Variants in DAB1 observed in about 807,000 individuals in gnomAD.
The protein encoded by DAB1 is disabled homolog 1.
A neutral mutation model predicts 64.6 loss-of-function variants in DAB1; 15 were observed. The ratio of observed to expected loss-of-function variants is 0.23; its 90% CI spans 0.16 to 0.36. The LOEUF is 0.36. Ranked by LOEUF, DAB1 falls within the 10% of genes least tolerant of loss-of-function variation. The pLI, the probability that DAB1 is intolerant of heterozygous loss-of-function variation, is 1.00. For missense variants in DAB1, 596 were observed against 706.7 expected (o/e 0.84, Z 1.78); for synonymous variants, 235 against 251.9 (o/e 0.93, Z 0.64).
chr1:57,039,845 G>A (rs1389510553), intron 9 of DAB1, among the ~76,000 whole-genome samples: 2 of 152,174 alleles, frequency 1.3e-5, no homozygotes, highest in African/African-American at 2.4e-5. Context: ...CAGTGATAAA[G>A]GAAAGGAGAT....
intron 4 of DAB1, among the ~76,000 whole-genome samples, chr1:58,343,116 T>C (rs1034141099): frequency 6.6e-6 from 1 of 152,164 alleles, no homozygotes; most frequent in Non-Finnish European, 1.5e-5. Flanking sequence ...CAACTCCCTT[T>C]TCCACAGGTC....
At chr1:58,166,330 G>A (rs1655829589) in intron 4 of DAB1, among the ~76,000 whole-genome samples, 2 of 152,094 alleles carry the variant, frequency 1.3e-5, no homozygotes, top group South Asian at 2.1e-4. Flanking sequence ...CTGTTCCCAC[G>A]CTAAGCTCCA....
chr1:58,376,354 G>C (rs1414597964), intron 3 of DAB1, among the ~76,000 whole-genome samples: 1 of 137,056 alleles, frequency 7.3e-6, no homozygotes, highest in Admixed American at 7.3e-5. Flanking sequence ...CTTTGAATGT[G>C]TCCCAGAGAT....
intron 5 of DAB1, among the ~76,000 whole-genome samples, chr1:57,956,203 C>T (rs563795676): frequency 6.6e-6 from 1 of 152,268 alleles, no homozygotes; most frequent in South Asian, 2.1e-4. Flanking sequence ...TGGCAGCACA[C>T]TCAAGAGAGA....
upstream of DAB1, among the ~76,000 whole-genome samples, chr1:57,426,875 T>TATATATATATATATATATATATA (rs1553180831): frequency 1.8e-4 from 24 of 129,904 alleles, no homozygotes; most frequent in South Asian, 7.1e-4. Context: ...TATATATATA[T>TATATATATATATATATATATATA]TTTTTTGAGA....
intron 2 of DAB1, among the ~76,000 whole-genome samples, chr1:57,151,190 T>C (rs143933333): frequency 1.3e-5 from 2 of 152,272 alleles, no homozygotes; most frequent in East Asian, 3.9e-4. Context: ...ACAAGGTCTA[T>C]TAATGACCCA....
intron 4 of DAB1, among the ~76,000 whole-genome samples, chr1:58,263,914 C>T (rs1038686521): frequency 6.6e-6 from 1 of 152,196 alleles, no homozygotes; most frequent in Non-Finnish European, 1.5e-5. Context: ...TTGAGCCATT[C>T]ACTGGTCTTC....
chr1:57,109,267 C>T (rs1245883629), intron 4 of DAB1, among the ~76,000 whole-genome samples: 10 of 152,220 alleles, frequency 6.6e-5, no homozygotes, highest in Admixed American at 3.3e-4. Context: ...GTCCTCTTCT[C>T]CTCTAGTTCA....
chr1:57,655,130 A>G (rs1417659675), intron 6 of DAB1, among the ~76,000 whole-genome samples: 3 of 152,090 alleles, frequency 2.0e-5, no homozygotes, highest in Non-Finnish European at 4.4e-5. Context: ...TGCTATCTTA[A>G]TTACTATAAT....
At chr1:58,490,966 C>T (rs566220721) in intron 3 of DAB1, among the ~76,000 whole-genome samples, 90 of 151,620 alleles carry the variant, frequency 5.9e-4, no homozygotes, top group Middle Eastern at 3.4e-3. Flanking sequence ...CTACCAAGCC[C>T]GGCTAAATTT....
At chr1:57,351,244 A>C (rs1678568805) in intron 1 of DAB1, among the ~76,000 whole-genome samples, 1 of 152,172 alleles carries the variant, frequency 6.6e-6, no homozygotes, top group South Asian at 2.1e-4. Flanking sequence ...ACACTATGCT[A>C]TACTGGTTCC....
chr1:57,872,196 T>G (rs993430534), intron 1 of DAB1, among the ~76,000 whole-genome samples: 1 of 152,186 alleles, frequency 6.6e-6, no homozygotes, highest in Admixed American at 6.5e-5. Context: ...ATGATCTGAA[T>G]GTATATGTTT....
intron 6 of DAB1, among the ~76,000 whole-genome samples, chr1:57,691,193 A>T (rs920099496): frequency 2.0e-5 from 3 of 152,142 alleles, no homozygotes; most frequent in Non-Finnish European, 4.4e-5. Context: ...CTCTGTGTCT[A>T]GCTAAAGGAT....
At chr1:58,494,155 T>C (rs1279972351) in intron 3 of DAB1, among the ~76,000 whole-genome samples, 2 of 151,974 alleles carry the variant, frequency 1.3e-5, no homozygotes. Context: ...CTGACAAAAA[T>C]AAGAAATGGG....
intron 2 of DAB1, among the ~76,000 whole-genome samples, chr1:57,205,026 C>T (rs1665425145): frequency 2.6e-5 from 4 of 152,220 alleles, no homozygotes. Flanking sequence ...GTGGGAAATT[C>T]AAGCTCACCC....
intron 3 of DAB1, among the ~76,000 whole-genome samples, chr1:58,504,109 A>T (rs1023427840): frequency 6.6e-6 from 1 of 152,188 alleles, no homozygotes; most frequent in Non-Finnish European, 1.5e-5. Context: ...AATGCCAGTG[A>T]TCACAATAAA....
At chr1:57,071,162 T>C in intron 6 of DAB1, 101 bp from the exon 7 acceptor site, 1 of 1,163,396 alleles carries the variant, frequency 8.6e-7, no homozygotes, top group Non-Finnish European at 1.2e-6. Flanking sequence ...AAACCAGCTC[T>C]GGGCAGAAGA....
At chr1:57,016,002 C>T (rs1472851011) in intron 11 of DAB1, among the ~76,000 whole-genome samples, 1 of 152,182 alleles carries the variant, frequency 6.6e-6, no homozygotes, top group Non-Finnish European at 1.5e-5. Flanking sequence ...GTTCTTAAAT[C>T]TGTCTAGGGC....
intron 1 of DAB1, among the ~76,000 whole-genome samples, chr1:57,421,506 TC>T (rs1433699710): frequency 6.6e-6 from 1 of 152,148 alleles, no homozygotes; most frequent in East Asian, 1.9e-4. Context: ...GCAGCACCGT[TC>T]CCAAGAAGAT....
Sources: allele counts gnomAD v4.1 joint callset (sites outside exome capture counted in the v4.1 genomes callset), GRCh38; gene constraint gnomAD v4.1.1; transcripts MANE v1.5; gene names NCBI Gene and HGNC (gene_info 2026-07-23, HGNC 2026-07-21).